The following ARSH variants were observed in gnomAD, a reference collection of about 807,000 sequenced individuals.
The protein encoded by ARSH is arylsulfatase H.
Under a neutral mutation model 28.7 loss-of-function variants are expected in ARSH, and 32 were observed. That is an observed-to-expected ratio of 1.11 (90% confidence interval 0.84 to 1.50). The LOEUF (loss-of-function observed/expected upper bound fraction) is 1.50. Among genes scored for constraint, ARSH ranks in the 40% most tolerant of loss-of-function variants. The pLI is 0.00. For missense variants in ARSH, 440 were observed against 452.4 expected, an observed-to-expected ratio of 0.97 and a Z score of 0.25; for synonymous variants, 176 against 177.3, an observed-to-expected ratio of 0.99 and a Z score of 0.06.
Position 3,015,055 on chromosome X carries a change from G to C in ARSH, c.426G>C (p.Gly142=). 8.3e-7 allele frequency: 1 copy of C among 1,210,731 alleles called. No homozygotes were observed. Among genetic ancestry groups the C allele is most frequent in the Non-Finnish European group, 1.1e-6 (1 of 895,195 alleles). The change falls in exon 4 of 9, where the codon GGG becomes GGC. Residue 142 remains glycine, a synonymous_variant. Coordinates refer to ENST00000381130, the MANE Select transcript of ARSH (RefSeq NM_001011719.2). Reference sequence around the variant, plus strand: ...ACCATGGTTTTCACTACTTTTACGGGGTGCCTTTTGGACTTTTAAGCGACT... The same window carrying C: ...ACCATGGTTTTCACTACTTTTACGGCGTGCCTTTTGGACTTTTAAGCGACT... ...PLNHGFHYFY[G]VPFGLLSDCQ... is the part of the protein sequence containing the mutation.
At chrX:3,016,904 C>T (rs1379601830) in intron 4 of ARSH, among the ~76,000 whole-genome samples, 1 of 110,845 alleles carries the variant, frequency 9.0e-6, no homozygotes, top group Non-Finnish European at 1.9e-5. Flanking sequence ...ATGAGGGGCA[C>T]ATTAAAGTTG....
chrX:3,025,097 A>T (rs2089895350), intron 6 of ARSH, among the ~76,000 whole-genome samples: 1 of 109,408 alleles, frequency 9.1e-6, no homozygotes, highest in African/African-American at 3.3e-5. Context: ...ATAATATAGA[A>T]TCATATATAT....
At position 3,015,373 on chromosome X, in the gene ARSH, G is replaced by A. The variant is rs2089863387; in HGVS notation, c.744G>A (p.Glu248=). The A allele has an allele frequency of 2.5e-6, 3 of 1,208,732 alleles. No homozygotes were observed. The highest frequency in any genetic ancestry group is 3.4e-6 in the Non-Finnish European group (3 of 894,643). Residue 248 remains glutamate (E), a synonymous_variant, in exon 4 of 9, where the codon GAG becomes GAA. Transcript: ENST00000381130. ...EEKVASLMLK[E]ALAFIERYKR... ...AAGTAGCTTCCCTCATGCTGAAGGA[G>A]GCACTTGCTTTCATTGAAAGGTATT...
At chrX:3,019,505 C>A (rs1461607859) in intron 5 of ARSH, among the ~76,000 whole-genome samples, 1 of 110,886 alleles carries the variant, frequency 9.0e-6, no homozygotes, top group African/African-American at 3.3e-5. Context: ...TAATAAATAG[C>A]TGTGCTAGTT....
intron 8 of ARSH, among the ~76,000 whole-genome samples, chrX:3,031,064 T>C (rs1220691623): frequency 1.8e-5 from 2 of 109,894 alleles, no homozygotes; most frequent in Admixed American, 9.8e-5. Flanking sequence ...AGTGGGAAGT[T>C]TGAGGCTGCA....
intron 4 of ARSH, 63 bp downstream of exon 4, chrX:3,015,456 C>A: frequency 5.7e-6 from 6 of 1,060,589 alleles, no homozygotes; most frequent in Admixed American, 2.8e-5. Flanking sequence ...CATAGGAGGT[C>A]ATCACACCTT....
In ARSH at chrX:3,033,536, G is replaced by A. The variant is rs1244606952; in HGVS notation, c.*151G>A. The A allele has an allele frequency of 1.3e-5, 8 of 605,743 alleles. No homozygotes were observed. The highest frequency in any genetic ancestry group is 2.3e-5 in the African/African-American group (1 of 43,913). 49.9% of individuals were successfully genotyped at this position (605,743 alleles called of 1,213,427 possible). The stretch of plus-strand genomic sequence containing the variant: ...CAGAAATCAGTTCTTTCAAGAGCTC[G>A]GTGAAATTAAAGTGGGCCCATATAA... On this transcript the variant is annotated 3_prime_UTR_variant, in exon 9 of 9. Coordinates refer to ENST00000381130, the MANE Select transcript of ARSH (RefSeq NM_001011719.2).
At chrX:3,019,141 T>C (rs1352791387) in intron 5 of ARSH, among the ~76,000 whole-genome samples, 1 of 109,053 alleles carries the variant, frequency 9.2e-6, no homozygotes, top group Non-Finnish European at 1.9e-5. Flanking sequence ...TATGCGGGCC[T>C]GTAGTCCCAG....
chrX:3,010,130 G>A lies in ARSH; in HGVS notation c.193G>A (p.Gly65Ser), dbSNP rs189249374. Reference sequence around the variant, plus strand: ...CCCAAGTCGGGCTGCCTTCCTGACCGGCCGGTACCCCATCAGATCAGGTGA... The same window carrying A: ...CCCAAGTCGGGCTGCCTTCCTGACCAGCCGGTACCCCATCAGATCAGGTGA... ...CTPSRAAFLT[G>S]RYPIRSGMVS... is the part of the protein sequence containing the mutation. The change falls in exon 2 of 9, where the codon GGC becomes AGC. Residue 65 changes from glycine (G) to serine (S), a missense_variant. By Grantham distance (56) the Gly-to-Ser change is moderately conservative (BLOSUM62 0). Transcript: ENST00000381130. 6.8e-5 allele frequency: 82 copies of A among 1,209,335 alleles called. No homozygotes were observed. The highest frequency in any genetic ancestry group is 4.4e-4 in the South Asian group (25 of 56,649).
At chrX:3,014,934 C>T (rs373956927) in intron 3 of ARSH, 36 bp from the exon 4 acceptor site, 4 of 1,168,261 alleles carry the variant, frequency 3.4e-6, no homozygotes, top group Non-Finnish European at 4.6e-6. Flanking sequence ...TTGAATGCTG[C>T]CATGCTGCCA....
chrX:3,022,271 A>G (rs2089886460), intron 5 of ARSH, among the ~76,000 whole-genome samples: 1 of 112,083 alleles, frequency 8.9e-6, no homozygotes, highest in Non-Finnish European at 1.9e-5. Context: ...TTTTTATACT[A>G]TAGCCAGATC....
chrX:3,023,273 A>G (rs1477456385), intron 5 of ARSH, among the ~76,000 whole-genome samples: 2 of 105,134 alleles, frequency 1.9e-5, no homozygotes, highest in Non-Finnish European at 3.8e-5. Flanking sequence ...ATATAAATTT[A>G]TGATAAAATT....
chrX:3,033,447 G>A lies in ARSH; in HGVS notation c.*62G>A. On this transcript the variant is annotated 3_prime_UTR_variant, in exon 9 of 9. Transcript: ENST00000381130. The stretch of plus-strand genomic sequence containing the variant: ...CTGTTACAATGGTCATAGGAGCAGA[G>A]CTCACCTGACTGATTCATTCCATTT... 9.3e-7 allele frequency: 1 copy of A among 1,079,010 alleles called. No homozygotes were observed. Among genetic ancestry groups the A allele is most frequent in the Non-Finnish European group, 1.2e-6 (1 of 810,323 alleles). 88.9% of individuals were successfully genotyped at this position (1,079,010 alleles called of 1,213,427 possible). A position where few individuals can be genotyped will look rare whatever the true frequency, so the allele number is the denominator to read the frequency against.
chrX:3,011,850 T>C (rs985068363), intron 2 of ARSH, among the ~76,000 whole-genome samples: 2 of 111,440 alleles, frequency 1.8e-5, no homozygotes, highest in African/African-American at 6.5e-5. Flanking sequence ...GAAATATACT[T>C]TTTTCTTTTG....
chrX:3,027,632 G>A (rs1355863071), intron 7 of ARSH, among the ~76,000 whole-genome samples, 157 bp downstream of exon 7: 1 of 111,966 alleles, frequency 8.9e-6, no homozygotes, highest in Non-Finnish European at 1.9e-5. Context: ...TTGGTGCGTG[G>A]TGGAATATTT....
At chrX:3,029,118 C>G in intron 7 of ARSH, 129 bp from the exon 8 acceptor site, 15 of 629,762 alleles carry the variant, frequency 2.4e-5, no homozygotes, top group Non-Finnish European at 3.5e-5. Context: ...TCCTCTTTAT[C>G]TTTCGCCTCC....
At chrX:3,018,770 C>A in intron 5 of ARSH, 100 bp downstream of exon 5, 1 of 896,066 alleles carries the variant, frequency 1.1e-6, no homozygotes, top group Non-Finnish European at 1.5e-6. Flanking sequence ...CCTTGCATAG[C>A]ATAGATACCT....
intron 8 of ARSH, among the ~76,000 whole-genome samples, chrX:3,032,001 C>A (rs1313036660): frequency 4.5e-5 from 5 of 111,843 alleles, no homozygotes; most frequent in Admixed American, 9.6e-5. Flanking sequence ...GGTAAAGAAT[C>A]CAGTTAGATG....
intron 6 of ARSH, among the ~76,000 whole-genome samples, chrX:3,026,150 A>C (rs1175024102): frequency 9.0e-6 from 1 of 111,023 alleles, no homozygotes; most frequent in Admixed American, 9.7e-5. Flanking sequence ...GATTTGGTTC[A>C]GTGAGCTTGT....
Sources: allele counts gnomAD v4.1 joint callset (sites outside exome capture counted in the v4.1 genomes callset), GRCh38; gene constraint gnomAD v4.1.1; transcripts MANE v1.5; gene names NCBI Gene and HGNC (gene_info 2026-07-23, HGNC 2026-07-21).